PHF21A: variants seen among roughly 807,000 people sequenced by gnomAD.
The protein encoded by PHF21A is PHD finger protein 21A, also known as BHC80a.
A neutral mutation model predicts 82.5 loss-of-function variants in PHF21A; 11 were observed. The observed-to-expected ratio is 0.13, with a 90% CI of 0.08 to 0.22. The LOEUF is 0.22. PHF21A is among the 10% of genes least tolerant of loss of function. PHF21A has a pLI of 1.00. For synonymous variants in PHF21A, 297 were observed against 302.8 expected (o/e 0.98, Z 0.20); for missense variants, 579 against 837.8 (o/e 0.69, Z 3.81).
intron 4 of PHF21A, among the ~76,000 whole-genome samples, chr11:46,083,113 G>A (rs1248183451): frequency 2.0e-5 from 3 of 151,668 alleles, no homozygotes; most frequent in Non-Finnish European, 4.4e-5. Context: ...AGAAAAAGAC[G>A]AGCTTGTTTT....
At chr11:46,005,574 C>T (rs2095275583) in intron 6 of PHF21A, among the ~76,000 whole-genome samples, 1 of 152,118 alleles carries the variant, frequency 6.6e-6, no homozygotes, top group Admixed American at 6.5e-5. Flanking sequence ...AGCAAATGCC[C>T]CTGATTATTC....
chr11:46,027,197 T>G (rs1354821903), intron 6 of PHF21A: 1 of 152,204 alleles, frequency 6.6e-6, no homozygotes, highest in Non-Finnish European at 1.5e-5. Flanking sequence ...TTTTATTATA[T>G]TTCAAAGATG....
chr11:46,087,282 G>T (rs1393769365), intron 3 of PHF21A, among the ~76,000 whole-genome samples: 7 of 152,110 alleles, frequency 4.6e-5, no homozygotes, highest in East Asian at 1.9e-4. Flanking sequence ...TTAAAACCAG[G>T]GTTTAACTTG....
chr11:46,094,552 G>A (rs1267759781), intron 1 of PHF21A, among the ~76,000 whole-genome samples: 2 of 152,132 alleles, frequency 1.3e-5, no homozygotes, highest in Non-Finnish European at 2.9e-5. Context: ...TTTTGGAAAA[G>A]TCTGCACATA....
rs547789464 is a variant in PHF21A at position 46,117,603 on chromosome 11, C to A, written c.-237+3332G>T. On this transcript the variant is annotated intron_variant, in intron 1 of 18. Coordinates refer to ENST00000676320, the MANE Select transcript of PHF21A (RefSeq NM_001352027.3). ...TCTAAAATTTTTTCAACACACTATA[C>A]CCCTTTCCAAAATCTCAACTACTCT... Among the ~76,000 whole-genome samples the A allele has an allele frequency of 2.0e-5, 3 of 152,296 alleles. No individual in the cohort carries two copies. In the South Asian group the frequency reaches 6.2e-4, roughly 32 times the overall value.
At chr11:46,012,012 C>G (rs2095423798) in intron 6 of PHF21A, among the ~76,000 whole-genome samples, 1 of 152,170 alleles carries the variant, frequency 6.6e-6, no homozygotes, top group Non-Finnish European at 1.5e-5. Context: ...ATCCTGGGAC[C>G]CATGATAAAC....
At chr11:46,068,496 G>A (rs1343366682) in intron 6 of PHF21A, among the ~76,000 whole-genome samples, 8 of 152,012 alleles carry the variant, frequency 5.3e-5, no homozygotes, top group Admixed American at 1.3e-4. Flanking sequence ...AAAAATTAAC[G>A]TTCTCCAAAG....
At chr11:45,984,949 T>G (rs1554339) in intron 6 of PHF21A, among the ~76,000 whole-genome samples, 1 of 152,160 alleles carries the variant, frequency 6.6e-6, no homozygotes, top group Non-Finnish European at 1.5e-5. Context: ...AACATGCAAT[T>G]TAAAAATACA....
At chr11:45,993,786 G>A (rs892863193) in intron 6 of PHF21A, among the ~76,000 whole-genome samples, 1 of 151,696 alleles carries the variant, frequency 6.6e-6, no homozygotes, top group African/African-American at 2.4e-5. Flanking sequence ...AAGCAGGAGA[G>A]GAGCCAGTGG....
At chr11:46,093,528 C>T (rs750909576) in intron 1 of PHF21A, among the ~76,000 whole-genome samples, 1 of 152,138 alleles carries the variant, frequency 6.6e-6, no homozygotes, top group Non-Finnish European at 1.5e-5. Context: ...CAGGCCCATG[C>T]AAATAACAAT....
At chr11:45,936,320 T>C (rs976539646) in intron 17 of PHF21A, among the ~76,000 whole-genome samples, 174 bp downstream of exon 17, 1 of 152,150 alleles carries the variant, frequency 6.6e-6, no homozygotes, top group African/African-American at 2.4e-5. Context: ...GCTACAGAAG[T>C]TTTCCACTTT....
At chr11:46,036,548 G>C (rs1165465105) in intron 6 of PHF21A, among the ~76,000 whole-genome samples, 1 of 152,148 alleles carries the variant, frequency 6.6e-6, no homozygotes, top group Non-Finnish European at 1.5e-5. Flanking sequence ...TAGAAAGAAG[G>C]TATGAATGAT....
At chr11:45,975,896 T>A (rs1468914386) in intron 7 of PHF21A, among the ~76,000 whole-genome samples, 1 of 152,156 alleles carries the variant, frequency 6.6e-6, no homozygotes, top group Non-Finnish European at 1.5e-5. Context: ...TACTTAATAT[T>A]TAATTCTTTC....
chr11:46,049,665 C>T (rs1262140676), intron 6 of PHF21A, among the ~76,000 whole-genome samples: 1 of 152,242 alleles, frequency 6.6e-6, no homozygotes, highest in Admixed American at 6.5e-5. Context: ...CTTGCAAACA[C>T]AGCTGCAAGT....
chr11:46,087,723 C>T (rs1220155482), intron 3 of PHF21A, among the ~76,000 whole-genome samples: 4 of 152,040 alleles, frequency 2.6e-5, no homozygotes, highest in Admixed American at 2.6e-4. Context: ...TCATATGTTG[C>T]CCAGGCTGGT....
At chr11:46,084,643 C>G (rs903764426) in intron 3 of PHF21A, among the ~76,000 whole-genome samples, 2 of 151,910 alleles carry the variant, frequency 1.3e-5, no homozygotes, top group South Asian at 4.1e-4. Flanking sequence ...CCAGGACACA[C>G]TGTCCTCAGA....
At chr11:46,089,865 C>T (rs1358285778) in intron 3 of PHF21A, among the ~76,000 whole-genome samples, 1 of 151,764 alleles carries the variant, frequency 6.6e-6, no homozygotes, top group Non-Finnish European at 1.5e-5. Flanking sequence ...CATACCTCCA[C>T]TGCAACGTGC....
chr11:46,109,122 T>C (rs1443267289), intron 1 of PHF21A, among the ~76,000 whole-genome samples: 1 of 152,208 alleles, frequency 6.6e-6, no homozygotes, highest in Non-Finnish European at 1.5e-5. Context: ...GGGAATTACA[T>C]AGTTTAGTAT....
chr11:46,013,623 A>G (rs1188113660), intron 6 of PHF21A, among the ~76,000 whole-genome samples: 1 of 152,166 alleles, frequency 6.6e-6, no homozygotes, highest in Non-Finnish European at 1.5e-5. Context: ...ATGCATCCTT[A>G]GGTCATTTCA....
Sources: gnomAD v4.1 joint callset for allele counts (sites outside exome capture counted in the v4.1 genomes callset) on GRCh38, gnomAD v4.1.1 for gene constraint, MANE v1.5 for transcripts, NCBI Gene and HGNC (gene_info 2026-07-23, HGNC 2026-07-21) for gene names.